The following CREM variants were observed in gnomAD, a reference collection of about 807,000 sequenced individuals.
CREM encodes the protein cAMP responsive element modulator, also known as cAMP-responsive element modulator.
In CREM, 13 loss-of-function variants were observed where a neutral mutation model predicts 37.3. That is an observed-to-expected ratio of 0.35 (90% confidence interval 0.23 to 0.55). The LOEUF (loss-of-function observed/expected upper bound fraction) is 0.55, where lower values mean the gene tolerates loss of function less well. CREM is among the 20% of genes least tolerant of loss of function. CREM has a pLI of 0.88. For synonymous variants in CREM, 124 were observed against 120.2 expected, an observed-to-expected ratio of 1.03 and a Z score of -0.21; for missense variants, 296 against 362.3, an observed-to-expected ratio of 0.82 and a Z score of 1.49.
intron 2 of CREM, among the ~76,000 whole-genome samples, chr10:35,143,960 G>A (rs2091772103): frequency 1.3e-5 from 2 of 152,122 alleles, no homozygotes; most frequent in Admixed American, 1.3e-4. Flanking sequence ...GGGAAAGGAA[G>A]CACTAGTTAT....
At chr10:35,203,436 G>A (rs1013654460) in intron 6 of CREM, among the ~76,000 whole-genome samples, 2 of 152,156 alleles carry the variant, frequency 1.3e-5, no homozygotes, top group Admixed American at 1.3e-4. Context: ...GCTCACGCCT[G>A]TGATCCCAGC....
chr10:35,187,439 T>C (rs2094697940), intron 5 of CREM, among the ~76,000 whole-genome samples: 1 of 149,940 alleles, frequency 6.7e-6, no homozygotes, highest in Non-Finnish European at 1.5e-5. Context: ...TTTGTATTTT[T>C]AGTAGAGGCG....
intron 3 of CREM, 117 bp from the exon 4 acceptor site, chr10:35,178,772 A>G: frequency 4.4e-6 from 3 of 685,938 alleles, no homozygotes; most frequent in Non-Finnish European, 7.3e-6. Flanking sequence ...TCTATTGCTC[A>G]GTTGCTTCCA....
chr10:35,149,930 A>ACACACACACACC (rs1554890952), intron 3 of CREM, among the ~76,000 whole-genome samples: 1 of 149,168 alleles, frequency 6.7e-6, no homozygotes, highest in Non-Finnish European at 1.5e-5. Flanking sequence ...ACACACACAC[A>ACACACACACACC]CACACACACC....
At chr10:35,206,521 A>T (rs1308579977) in intron 6 of CREM, among the ~76,000 whole-genome samples, 1 of 152,204 alleles carries the variant, frequency 6.6e-6, no homozygotes, top group Non-Finnish European at 1.5e-5. Context: ...ACATCGTGAG[A>T]ATTACTGAAC....
At chr10:35,185,055 A>G (rs1456433175) in intron 5 of CREM, among the ~76,000 whole-genome samples, 1 of 149,116 alleles carries the variant, frequency 6.7e-6, no homozygotes, top group Non-Finnish European at 1.5e-5. Flanking sequence ...TCATTCATTC[A>G]TTCATTCATT....
At chr10:35,207,728 C>G (rs946882731) in intron 7 of CREM, among the ~76,000 whole-genome samples, 1 of 151,954 alleles carries the variant, frequency 6.6e-6, no homozygotes, top group Non-Finnish European at 1.5e-5. Flanking sequence ...GAGCTGAGGT[C>G]GCGCCACTGG....
intron 6 of CREM, among the ~76,000 whole-genome samples, chr10:35,200,619 G>A (rs755370383): frequency 3.9e-5 from 6 of 152,112 alleles, no homozygotes; most frequent in Non-Finnish European, 7.3e-5. Flanking sequence ...GGAGGTGTAG[G>A]ATCTGGGTAT....
intron 3 of CREM, among the ~76,000 whole-genome samples, chr10:35,165,067 A>AT (rs1484001271): frequency 1.3e-5 from 2 of 150,806 alleles, no homozygotes; most frequent in African/African-American, 2.5e-5. Flanking sequence ...AAAAAAAAAA[A>AT]AAAAAAAAAA....
intron 3 of CREM, among the ~76,000 whole-genome samples, chr10:35,150,048 T>A (rs2136031845): frequency 6.6e-6 from 1 of 152,340 alleles, no homozygotes; most frequent in Non-Finnish European, 1.5e-5. Flanking sequence ...GTTAACATTT[T>A]GGTGTAGCTC....
rs141666074 is a variant in CREM at position 35,140,890 on chromosome 10, C to T, written c.44+3011C>T. 4.3e-4 allele frequency among the ~76,000 whole-genome samples: 66 copies of T among 152,206 alleles called. 1 individual carries two copies. The highest frequency in any genetic ancestry group is 4.6e-4 in the Non-Finnish European group (31 of 68,010). On this transcript the variant is annotated intron_variant, in intron 2 of 7. Transcript: ENST00000685392. ...AAAAAATGTCTGATTAGGAGGCTGGCATGCAGCGTGTTGGAAAGAGTAGAG... is the reference window on the plus strand; with the variant it reads ...AAAAAATGTCTGATTAGGAGGCTGGTATGCAGCGTGTTGGAAAGAGTAGAG...
At chr10:35,176,533 G>A (rs1393764833) in intron 3 of CREM, among the ~76,000 whole-genome samples, 2 of 150,822 alleles carry the variant, frequency 1.3e-5, no homozygotes, top group Admixed American at 1.3e-4. Context: ...TCAGCCTCCC[G>A]AGTAGCTGGG....
chr10:35,140,399 C>T (rs1372631107), intron 2 of CREM, among the ~76,000 whole-genome samples: 2 of 152,156 alleles, frequency 1.3e-5, no homozygotes, highest in Non-Finnish European at 2.9e-5. Context: ...GTCACAACAC[C>T]TCTTTTTCAT....
At chr10:35,145,834 G>C (rs1589407290) in intron 2 of CREM, among the ~76,000 whole-genome samples, 1 of 147,878 alleles carries the variant, frequency 6.8e-6, no homozygotes, top group Non-Finnish European at 1.5e-5. Flanking sequence ...TTTAATTACT[G>C]ACCTGCCAAT....
chr10:35,167,594 TGTGAGGTTTTCCCAGTTATAA>T, intron 3 of CREM: 1 of 821,882 alleles, frequency 1.2e-6, no homozygotes, highest in Non-Finnish European at 2.0e-6. Flanking sequence ...GTTACAACAC[TGTGAGGTTTTCCCAGTTATAA>T]GTGTCACTAT....
Position 35,212,715 on chromosome 10 carries a change from C to T in CREM, c.*1317C>T, listed in dbSNP as rs78932478. The T allele has an allele frequency of 0.012, 1,782 of 152,744 alleles. 15 individuals are homozygous for T. The highest frequency in any genetic ancestry group is 0.019 in the Non-Finnish European group (1,276 of 68,020). 9.5% of individuals were successfully genotyped at this position (152,744 alleles called of 1,614,324 possible). A position where few individuals can be genotyped will look rare whatever the true frequency, so the allele number is the denominator to read the frequency against. ...CTGAGACTTTCTTTCTGTAGGTGGT[C>T]TGGAGCTGTCCGGCTGGTGGCCCCC... is the stretch of plus-strand genomic sequence containing the variant. On this transcript the variant is annotated 3_prime_UTR_variant, in exon 8 of 8. Transcript: ENST00000685392.
chr10:35,187,028 A>G (rs1418225268), intron 5 of CREM, among the ~76,000 whole-genome samples: 3 of 73,634 alleles, frequency 4.1e-5, no homozygotes, highest in African/African-American at 1.1e-4. Context: ...AATATATATC[A>G]CATATAATAT....
chr10:35,160,490 C>G (rs2093223364), intron 3 of CREM, among the ~76,000 whole-genome samples: 1 of 152,160 alleles, frequency 6.6e-6, no homozygotes, highest in African/African-American at 2.4e-5. Context: ...CCTCAAACTC[C>G]TGGGCTCAAG....
chr10:35,156,593 C>A (rs1206300931), intron 3 of CREM, among the ~76,000 whole-genome samples: 1 of 152,136 alleles, frequency 6.6e-6, no homozygotes, highest in East Asian at 1.9e-4. Context: ...GTTATTATAA[C>A]CCTTGTAAAT....
Sources: gnomAD v4.1 joint callset for allele counts (sites outside exome capture counted in the v4.1 genomes callset) on GRCh38, gnomAD v4.1.1 for gene constraint, MANE v1.5 for transcripts, NCBI Gene and HGNC (gene_info 2026-07-23, HGNC 2026-07-21) for gene names.